Variants in SLC39A14 observed in about 807,000 individuals in gnomAD.
SLC39A14 encodes the protein solute carrier family 39 member 14.
SLC39A14 carries 19 observed loss-of-function variants against 45.5 expected under a neutral mutation model. The ratio of observed to expected loss-of-function variants is 0.42; its 90% confidence interval spans 0.29 to 0.61. The LOEUF is 0.61. Ranked by LOEUF, SLC39A14 falls within the 20% of genes least tolerant of loss-of-function variation. SLC39A14 has a pLI of 0.22. For synonymous variants in SLC39A14, 264 were observed against 251.3 expected (o/e 1.05, Z -0.48); for missense variants, 447 against 616.5 (o/e 0.73, Z 2.91).
At position 22,421,363 on chromosome 8, in the gene SLC39A14, A is replaced by G. The variant is rs1836219057; in HGVS notation, c.*1665A>G. 7.1e-6 allele frequency: 7 copies of G among 985,752 alleles called. No individual in the cohort carries two copies. In the South Asian group the frequency reaches 3.3e-4, roughly 46 times the overall value. 61.1% of individuals were successfully genotyped at this position (985,752 alleles called of 1,614,324 possible). The stretch of plus-strand genomic sequence containing the variant: ...TTCTTGAAAAGAACGTGAGCAGGAA[A>G]AACTGCTGGTGATACTTTTTTTAAG... On this transcript the variant is annotated 3_prime_UTR_variant, in exon 9 of 9. Transcript: ENST00000381237.
intron 8 of SLC39A14, among the ~76,000 whole-genome samples, chr8:22,431,721 G>A (rs1199671257): frequency 6.6e-6 from 1 of 151,962 alleles, no homozygotes; most frequent in Admixed American, 6.6e-5. Context: ...GACCAATGCA[G>A]AAAATAAAAA....
intron 1 of SLC39A14, among the ~76,000 whole-genome samples, chr8:22,378,298 A>G (rs1833320196): frequency 6.6e-6 from 1 of 152,194 alleles, no homozygotes; most frequent in Non-Finnish European, 1.5e-5. Flanking sequence ...ACACCCGTTT[A>G]TCATTTCTCA....
chr8:22,396,342 G>C (rs1834382057), intron 1 of SLC39A14, among the ~76,000 whole-genome samples: 1 of 143,728 alleles, frequency 7.0e-6, no homozygotes, highest in South Asian at 2.3e-4. Flanking sequence ...ACTCCAGCCT[G>C]GGCAACAGAG....
chr8:22,385,812 T>C (rs73227818), intron 1 of SLC39A14, among the ~76,000 whole-genome samples: 40,176 of 151,850 alleles, frequency 0.26, 5,581 homozygotes, highest in East Asian at 0.5. Flanking sequence ...GCCTGGGCAA[T>C]GTAGCAAGAC....
At chr8:22,393,714 C>G (rs1316709705) in intron 1 of SLC39A14, among the ~76,000 whole-genome samples, 8 of 152,172 alleles carry the variant, frequency 5.3e-5, no homozygotes, top group Non-Finnish European at 1.2e-4. Flanking sequence ...CTCTGTCACC[C>G]AGGCTGGGGT....
At chr8:22,425,883 G>GGTTTTT (rs1554523303), downstream of SLC39A14, among the ~76,000 whole-genome samples, 4 of 140,964 alleles carry the variant, frequency 2.8e-5, no homozygotes, top group East Asian at 9.1e-4. Flanking sequence ...GCTCTAGATG[G>GGTTTTT]TTTTTGTTTT....
At chr8:22,384,340 G>C (rs1833667760) in intron 1 of SLC39A14, among the ~76,000 whole-genome samples, 1 of 152,044 alleles carries the variant, frequency 6.6e-6, no homozygotes, top group African/African-American at 2.4e-5. Flanking sequence ...GGGATTATCA[G>C]CTGGTTGACC....
downstream of SLC39A14, among the ~76,000 whole-genome samples, chr8:22,426,836 G>A (rs1482032596): frequency 1.3e-5 from 2 of 151,974 alleles, no homozygotes; most frequent in African/African-American, 4.8e-5. Context: ...GGCATGTGCC[G>A]CCATGCACAG....
At chr8:22,414,309 T>A (rs779320963) in intron 4 of SLC39A14, among the ~76,000 whole-genome samples, 60 of 152,336 alleles carry the variant, frequency 3.9e-4, no homozygotes, top group Non-Finnish European at 6.5e-4. Context: ...CAGTTCTTAT[T>A]ACTTAACTGG....
intron 8 of SLC39A14, 38 bp downstream of exon 8, chr8:22,417,873 A>G (rs750608399): frequency 1.9e-6 from 3 of 1,560,912 alleles, no homozygotes; most frequent in Admixed American, 3.6e-5. Flanking sequence ...GAGGGCGGCT[A>G]AGGGGATGGA....
At chr8:22,387,238 G>A (rs1224198046) in intron 1 of SLC39A14, among the ~76,000 whole-genome samples, 1 of 151,896 alleles carries the variant, frequency 6.6e-6, no homozygotes, top group Non-Finnish European at 1.5e-5. Context: ...AAGTCGTGAT[G>A]CAGTTCATTC....
At chr8:22,390,954 G>T (rs139371736) in intron 1 of SLC39A14, among the ~76,000 whole-genome samples, 1 of 152,274 alleles carries the variant, frequency 6.6e-6, no homozygotes, top group Non-Finnish European at 1.5e-5. Context: ...GCATTTCCCT[G>T]GTGTGGCTCA....
chr8:22,368,976 T>C (rs1486895132), intron 1 of SLC39A14, among the ~76,000 whole-genome samples: 1 of 152,152 alleles, frequency 6.6e-6, no homozygotes, highest in Admixed American at 6.6e-5. Flanking sequence ...CCCAAGGATA[T>C]ACATCCTTGG....
At chr8:22,404,287 G>T (rs577222930) in intron 1 of SLC39A14, among the ~76,000 whole-genome samples, 1 of 151,978 alleles carries the variant, frequency 6.6e-6, no homozygotes, top group African/African-American at 2.4e-5. Flanking sequence ...TTAGTTGGGT[G>T]TGGTGGCGGG....
intron 1 of SLC39A14, among the ~76,000 whole-genome samples, chr8:22,401,619 C>T (rs1031753247): frequency 1.0e-4 from 14 of 137,792 alleles, no homozygotes; most frequent in African/African-American, 3.8e-4. Context: ...ACTATCTCGG[C>T]TCACTGCAAG....
downstream of SLC39A14, among the ~76,000 whole-genome samples, chr8:22,427,663 G>C (rs999849612): frequency 1.5e-4 from 23 of 152,188 alleles, no homozygotes; most frequent in African/African-American, 5.3e-4. Flanking sequence ...CCCTTGAAGT[G>C]AAATATCTTA....
At chr8:22,377,144 G>A (rs1384084934) in intron 1 of SLC39A14, among the ~76,000 whole-genome samples, 2 of 152,036 alleles carry the variant, frequency 1.3e-5, no homozygotes, top group Non-Finnish European at 2.9e-5. Flanking sequence ...TATGCATTTG[G>A]TTATTCATAA....
chr8:22,397,564 C>G (rs1440125132), intron 1 of SLC39A14, among the ~76,000 whole-genome samples: 8 of 151,506 alleles, frequency 5.3e-5, no homozygotes, highest in Admixed American at 5.3e-4. Flanking sequence ...GGCGAAAGAG[C>G]GGGCGAAAGA....
chr8:22,406,904 G>C (rs7837964), intron 2 of SLC39A14, among the ~76,000 whole-genome samples: 85,214 of 151,672 alleles, frequency 0.56, 24,845 homozygotes, highest in African/African-American at 0.73. Context: ...CTTATTTTGG[G>C]AGCACACCAA....
Sources: allele counts gnomAD v4.1 joint callset (sites outside exome capture counted in the v4.1 genomes callset), GRCh38; gene constraint gnomAD v4.1.1; transcripts MANE v1.5; gene names NCBI Gene and HGNC (gene_info 2026-07-23, HGNC 2026-07-21).